Variants in RARB observed in about 807,000 individuals in gnomAD.
The protein encoded by RARB is retinoic acid receptor beta.
Under a neutral mutation model 51.9 loss-of-function variants are expected in RARB, and 17 were observed. That is an observed-to-expected ratio of 0.33 (90% CI 0.22 to 0.49). RARB has a LOEUF of 0.49. Ranked by LOEUF, RARB falls within the 20% of genes least tolerant of loss-of-function variation. RARB has a pLI of 0.99. For synonymous variants in RARB, 215 were observed against 195.4 expected, an observed-to-expected ratio of 1.10 and a Z score of -0.84; for missense variants, 369 against 550.8, an observed-to-expected ratio of 0.67 and a Z score of 3.30.
intron 5 of RARB, among the ~76,000 whole-genome samples, chr3:25,356,706 TC>T (rs1705749021): frequency 6.6e-6 from 1 of 152,094 alleles, no homozygotes; most frequent in South Asian, 2.1e-4. Flanking sequence ...GATGTTTCCC[TC>T]CCTGGGCCCA....
chr3:24,954,547 C>T (rs559753591), intron 2 of RARB, among the ~76,000 whole-genome samples: 1 of 152,276 alleles, frequency 6.6e-6, no homozygotes, highest in Admixed American at 6.5e-5. Context: ...TTGTGATTCA[C>T]TGAAAGTTTT....
At chr3:25,429,262 G>A (rs907296995) in intron 1 of RARB, among the ~76,000 whole-genome samples, 1 of 152,204 alleles carries the variant, frequency 6.6e-6, no homozygotes, top group African/African-American at 2.4e-5. Flanking sequence ...AATGTATGCA[G>A]AGTGGAATTT....
At chr3:25,173,630 G>C (rs115562708) in intron 4 of RARB, among the ~76,000 whole-genome samples, 1 of 152,078 alleles carries the variant, frequency 6.6e-6, no homozygotes, top group Non-Finnish European at 1.5e-5. Flanking sequence ...AGTTAGAATA[G>C]CATTAAATAG....
At chr3:25,308,409 A>C (rs1704203884) in intron 5 of RARB, among the ~76,000 whole-genome samples, 3 of 151,624 alleles carry the variant, frequency 2.0e-5, no homozygotes, top group Admixed American at 2.0e-4. Context: ...AGATATTAAA[A>C]ATTATTGTCA....
At position 24,936,019 on chromosome 3, in the gene RARB, C is replaced by G. The variant is rs1695541243; in HGVS notation, c.-380+77267C>G. ...GAGGGGATCTGGATGTCTTCTGGAACTTTACTGTTTGAAAATAGTGTAGTT... is the reference window on the plus strand; with the variant it reads ...GAGGGGATCTGGATGTCTTCTGGAAGTTTACTGTTTGAAAATAGTGTAGTT... On this transcript the variant is annotated intron_variant, in intron 2 of 11. Transcript: ENST00000383772. Among the ~76,000 whole-genome samples, 3 of 152,204 alleles carry G rather than the reference C, an allele frequency of 2.0e-5. No individual in the cohort carries two copies. In the South Asian group the frequency reaches 6.2e-4, roughly 32 times the overall value.
intron 2 of RARB, among the ~76,000 whole-genome samples, chr3:24,958,149 G>A (rs1696057656): frequency 6.8e-6 from 1 of 147,330 alleles, no homozygotes; most frequent in East Asian, 2.2e-4. Context: ...GCTTTTGATA[G>A]TTAGATTTTT....
chr3:25,532,534 T>TAG (rs1559454455), intron 3 of RARB, among the ~76,000 whole-genome samples: 2 of 152,340 alleles, frequency 1.3e-5, no homozygotes, highest in East Asian at 3.9e-4. Flanking sequence ...AGTGTCGTGG[T>TAG]AGTTTCTCTA....
chr3:24,897,274 A>T (rs1486508227), intron 2 of RARB, among the ~76,000 whole-genome samples: 1 of 152,162 alleles, frequency 6.6e-6, no homozygotes, highest in Non-Finnish European at 1.5e-5. Flanking sequence ...AAAACCTAAT[A>T]GTAAAATAAA....
intron 4 of RARB, among the ~76,000 whole-genome samples, chr3:25,157,380 G>GTGTA (rs758200423): frequency 4.4e-4 from 64 of 146,764 alleles, no homozygotes; most frequent in African/African-American, 1.2e-3. Context: ...GTGTGTGTGT[G>GTGTA]TATATATATG....
chr3:24,948,843 G>A (rs1297398100), intron 2 of RARB, among the ~76,000 whole-genome samples: 1 of 152,102 alleles, frequency 6.6e-6, no homozygotes, highest in Non-Finnish European at 1.5e-5. Context: ...GCTCCCTTTT[G>A]CTTTCTGCCA....
intron 2 of RARB, among the ~76,000 whole-genome samples, chr3:25,477,742 C>A (rs554843568): frequency 6.6e-6 from 1 of 152,196 alleles, no homozygotes; most frequent in East Asian, 1.9e-4. Context: ...AAGACGTGTC[C>A]CAGTTACCAT....
chr3:25,204,748 C>T (rs1701490965), intron 5 of RARB, among the ~76,000 whole-genome samples: 1 of 152,146 alleles, frequency 6.6e-6, no homozygotes, highest in Admixed American at 6.5e-5. Flanking sequence ...TGAATACTGG[C>T]AAACAGCAAA....
chr3:24,942,355 GA>G (rs1321749606), intron 2 of RARB, among the ~76,000 whole-genome samples: 1 of 152,170 alleles, frequency 6.6e-6, no homozygotes, highest in African/African-American at 2.4e-5. Context: ...TCTTAAATTT[GA>G]AATGGGCCTT....
intron 5 of RARB, among the ~76,000 whole-genome samples, chr3:25,229,012 G>A (rs934561699): frequency 2.0e-5 from 3 of 152,178 alleles, no homozygotes; most frequent in African/African-American, 7.2e-5. Context: ...TGTCTCTGCT[G>A]TCCTATCCAC....
chr3:24,880,586 G>C (rs1490907042), intron 2 of RARB, among the ~76,000 whole-genome samples: 1 of 152,090 alleles, frequency 6.6e-6, no homozygotes, highest in Admixed American at 6.5e-5. Flanking sequence ...CATGGGTTGT[G>C]AATACCCATG....
chr3:25,570,312 G>T (rs553249709), intron 4 of RARB, among the ~76,000 whole-genome samples: 1 of 152,360 alleles, frequency 6.6e-6, no homozygotes, highest in Admixed American at 6.5e-5. Flanking sequence ...GGTCATGACG[G>T]ACCTCTGTAC....
intron 5 of RARB, among the ~76,000 whole-genome samples, chr3:25,213,975 G>A (rs894379024): frequency 6.6e-6 from 1 of 152,094 alleles, no homozygotes; most frequent in African/African-American, 2.4e-5. Context: ...GCCAACCAAA[G>A]CATAGAAATA....
At chr3:25,456,554 ATTTTTTTTTT>A (rs35056259) in intron 1 of RARB, among the ~76,000 whole-genome samples, 1 of 44,118 alleles carries the variant, frequency 2.3e-5, no homozygotes, top group Non-Finnish European at 4.0e-5. Flanking sequence ...TATACCACTG[ATTTTTTTTTT>A]TTTTTTTTTT....
At chr3:24,977,096 CTCTGT>C (rs1696533249) in intron 2 of RARB, among the ~76,000 whole-genome samples, 1 of 151,930 alleles carries the variant, frequency 6.6e-6, no homozygotes, top group South Asian at 2.1e-4. Flanking sequence ...TTTTTGAGGC[CTCTGT>C]TCTGTTCCAT....
Sources: allele counts gnomAD v4.1 joint callset (sites outside exome capture counted in the v4.1 genomes callset), GRCh38; gene constraint gnomAD v4.1.1; transcripts MANE v1.5; gene names NCBI Gene and HGNC (gene_info 2026-07-23, HGNC 2026-07-21).